FOXK1: variants seen among roughly 807,000 people sequenced by gnomAD.
The protein encoded by FOXK1 is forkhead box K1.
In FOXK1, 19 loss-of-function variants were observed where a neutral mutation model predicts 51.9. That is an observed-to-expected ratio of 0.37 (90% CI 0.26 to 0.54). The LOEUF (loss-of-function observed/expected upper bound fraction) is 0.54, where lower values mean the gene tolerates loss of function less well. Among genes scored for constraint, FOXK1 ranks in the 20% least tolerant of loss-of-function variants. The probability of loss-of-function intolerance (pLI) is 0.87; values close to 1 mark genes in which losing one functional copy is unlikely to be tolerated. For missense variants in FOXK1, 870 were observed against 1,032.7 expected (o/e 0.84, Z 2.16); for synonymous variants, 537 against 482.6 (o/e 1.11, Z -1.48).
At position 4,731,239 on chromosome 7, in the gene FOXK1, A is replaced by G. The variant is rs1011245704; in HGVS notation, c.561-9599A>G. Among the ~76,000 whole-genome samples, 4 of 152,150 alleles carry G rather than the reference A, an allele frequency of 2.6e-5. No individual in the cohort carries two copies. In the East Asian group the frequency reaches 7.7e-4, roughly 29 times the overall value. Reference sequence around the variant, plus strand: ...TCTGCTGTTCCCCGGCCTTCCCTTGAGACTCTTGGGGGCCTGGGCCCTGCG... The same window carrying G: ...TCTGCTGTTCCCCGGCCTTCCCTTGGGACTCTTGGGGGCCTGGGCCCTGCG... On this transcript the variant is annotated intron_variant, in intron 1 of 8. Transcript: ENST00000328914. This position sits in a 1 kb window ranked among gnomAD's most constrained non-coding sequence, Gnocchi z 5.3.
intron 1 of FOXK1, among the ~76,000 whole-genome samples, chr7:4,705,554 T>TCTCTCTCTCTCTCTCTCTCTCG (rs895937029): frequency 1.5e-5 from 2 of 131,508 alleles, no homozygotes; most frequent in African/African-American, 6.3e-5. Flanking sequence ...TCTCTCTCTC[T>TCTCTCTCTCTCTCTCTCTCTCG]CTCTCGCTCT....
At chr7:4,684,694 C>T (rs890520906) in intron 1 of FOXK1, among the ~76,000 whole-genome samples, 2 of 152,176 alleles carry the variant, frequency 1.3e-5, no homozygotes, top group African/African-American at 2.4e-5. Flanking sequence ...GCTTTACAGA[C>T]GCACCTTTAT....
chr7:4,713,664 G>T (rs763241470), intron 1 of FOXK1, among the ~76,000 whole-genome samples: 1 of 149,790 alleles, frequency 6.7e-6, no homozygotes, highest in Non-Finnish European at 1.5e-5. Flanking sequence ...GCTAATTTTT[G>T]TAATGTTAGT....
intron 1 of FOXK1, among the ~76,000 whole-genome samples, chr7:4,699,948 T>C (rs780709934): frequency 6.6e-6 from 1 of 152,222 alleles, no homozygotes; most frequent in Non-Finnish European, 1.5e-5. Context: ...TTGAATCGGC[T>C]AGGACCTCCA....
In FOXK1 at chr7:4,749,370, G is replaced by T. The variant is rs1375012827; in HGVS notation, c.747-5089G>T. The stretch of plus-strand genomic sequence containing the variant: ...CAGATGTGCCTTGGCCGGCTGTTGT[G>T]TTTAACAGTGAGGTCCTAAAAACCC... On this transcript the variant is annotated intron_variant, in intron 2 of 8. Transcript: ENST00000328914. The surrounding 1 kb of genome is among the most constrained non-coding windows in gnomAD (Gnocchi z 6.0). Among the ~76,000 whole-genome samples the T allele has an allele frequency of 6.6e-6, 1 of 152,194 alleles. No homozygotes were observed. Among genetic ancestry groups the T allele is most frequent in the African/African-American group, 2.4e-5 (1 of 41,452 alleles).
chr7:4,723,102 TAA>T lies in FOXK1; in HGVS notation c.561-17735_561-17734del, dbSNP rs1376420298. On this transcript the variant is annotated intron_variant, in intron 1 of 8. Coordinates refer to ENST00000328914, the MANE Select transcript of FOXK1 (RefSeq NM_001037165.2). The surrounding 1 kb of genome is among the most constrained non-coding windows in gnomAD (Gnocchi z 4.7). ...TTCCCAAGCCTGTTGACGATGATGG[TAA>T]CGGCACCGTGCTCACTCCAACGCCG... 6.6e-6 allele frequency among the ~76,000 whole-genome samples: 1 copy of T among 151,892 alleles called. No homozygotes were observed. Among genetic ancestry groups the T allele is most frequent in the Non-Finnish European group, 1.5e-5 (1 of 68,002 alleles).
At chr7:4,746,877 C>T (rs1780709433) in intron 2 of FOXK1, among the ~76,000 whole-genome samples, 1 of 152,226 alleles carries the variant, frequency 6.6e-6, no homozygotes, top group Non-Finnish European at 1.5e-5. Flanking sequence ...CTGCCTGTCC[C>T]TGTCCCTGTA....
intron 1 of FOXK1, among the ~76,000 whole-genome samples, chr7:4,684,738 T>G (rs1779797471): frequency 6.6e-6 from 1 of 152,110 alleles, no homozygotes; most frequent in South Asian, 2.1e-4. Context: ...TCCATTAAAG[T>G]CTTGTTTTCA....
At chr7:4,695,563 G>A (rs1287671766) in intron 1 of FOXK1, among the ~76,000 whole-genome samples, 10 of 152,192 alleles carry the variant, frequency 6.6e-5, no homozygotes, top group African/African-American at 4.8e-5. Context: ...ACAGCACTTT[G>A]GGAGGCCAGG....
intron 1 of FOXK1, among the ~76,000 whole-genome samples, chr7:4,701,253 C>T (rs561973503): frequency 2.0e-5 from 3 of 152,126 alleles, no homozygotes; most frequent in East Asian, 1.9e-4. Flanking sequence ...GCTCAAAGGA[C>T]GGGGGGCTAG....
At chr7:4,717,488 G>A (rs1780251445) in intron 1 of FOXK1, among the ~76,000 whole-genome samples, 1 of 137,602 alleles carries the variant, frequency 7.3e-6, no homozygotes, top group Non-Finnish European at 1.5e-5. Flanking sequence ...GAGGCATGTG[G>A]CTGGGAGGCG....
chr7:4,706,783 A>G (rs1780107595), intron 1 of FOXK1, among the ~76,000 whole-genome samples: 1 of 152,210 alleles, frequency 6.6e-6, no homozygotes, highest in Non-Finnish European at 1.5e-5. Context: ...CTTTGTCAGT[A>G]TCAGCCAGGT....
chr7:4,728,618 T>C (rs1162484591), intron 1 of FOXK1, among the ~76,000 whole-genome samples: 1 of 148,466 alleles, frequency 6.7e-6, no homozygotes, highest in East Asian at 2.0e-4. Flanking sequence ...CAGCTAGGCG[T>C]GGTGGTGCAA....
chr7:4,716,774 G>T (rs892719413), intron 1 of FOXK1, among the ~76,000 whole-genome samples: 1 of 152,172 alleles, frequency 6.6e-6, no homozygotes, highest in Non-Finnish European at 1.5e-5. Context: ...TACTGGTTTG[G>T]AGCTGGCTTA....
Position 4,761,255 on chromosome 7 carries a change from G to C in FOXK1, c.1888G>C (p.Val630Leu), listed in dbSNP as rs1780928866. 6.2e-7 allele frequency: 1 copy of C among 1,613,044 alleles called. No individual in the cohort carries two copies. The highest frequency in any genetic ancestry group is 8.5e-7 in the Non-Finnish European group (1 of 1,180,032). ...RAVTQNGKHA[V>L]PTNSLAGNAY... ...CGTGACCCAGAACGGAAAGCATGCG[G>C]TTCCCACGAACAGTTTAGCCGGCAA... Residue 630 changes from valine to leucine, a missense_variant, in exon 8 of 9, where the codon GTT becomes CTT. Coordinates refer to ENST00000328914, the MANE Select transcript of FOXK1 (RefSeq NM_001037165.2). This position sits in a 1 kb window ranked among gnomAD's most constrained non-coding sequence, Gnocchi z 6.2.
rs1035994335 is a variant in FOXK1 at position 4,745,379 on chromosome 7, C to T, written c.746+4356C>T. Among the ~76,000 whole-genome samples the T allele has an allele frequency of 1.9e-4, 29 of 152,020 alleles. No homozygotes were observed. Among genetic ancestry groups the T allele is most frequent in the African/African-American group, 7.0e-4 (29 of 41,370 alleles). ...CCCTGATCAGCTGCCCCTGCCCCCG[C>T]CCCCCGCGCCACCCTGCGTCCTTCC... On this transcript the variant is annotated intron_variant, in intron 2 of 8. Coordinates refer to ENST00000328914, the MANE Select transcript of FOXK1 (RefSeq NM_001037165.2). The surrounding 1 kb of genome is among the most constrained non-coding windows in gnomAD (Gnocchi z 4.3).
At position 4,767,336 on chromosome 7, in the gene FOXK1, T is replaced by C. The variant is rs1234522166; in HGVS notation, c.*4872T>C. 3.3e-5 allele frequency: 5 copies of C among 152,302 alleles called. No homozygotes were observed. The highest frequency in any genetic ancestry group is 7.3e-5 in the Non-Finnish European group (5 of 68,078). 9.4% of individuals were successfully genotyped at this position (152,302 alleles called of 1,614,324 possible). A position where few individuals can be genotyped will look rare whatever the true frequency, so the allele number is the denominator to read the frequency against. On this transcript the variant is annotated 3_prime_UTR_variant, in exon 9 of 9. Transcript: ENST00000328914. This position sits in a 1 kb window ranked among gnomAD's most constrained non-coding sequence, Gnocchi z 6.6. ...TTGCAAACGCAGAGCCCCAGAACGC[T>C]GGATGGAGGCCTCCTCGGCCCTGCG... is the stretch of plus-strand genomic sequence containing the variant.
intron 1 of FOXK1, among the ~76,000 whole-genome samples, chr7:4,714,272 T>C (rs1472154886): frequency 6.6e-6 from 1 of 152,168 alleles, no homozygotes; most frequent in Non-Finnish European, 1.5e-5. Flanking sequence ...TGACCCTATT[T>C]TCACTGTGTG....
chr7:4,720,219 C>G (rs1473274063), intron 1 of FOXK1, among the ~76,000 whole-genome samples: 1 of 152,196 alleles, frequency 6.6e-6, no homozygotes, highest in Admixed American at 6.5e-5. Context: ...CATCTTCAGT[C>G]TGTAGGTTTA....
Sources: gnomAD v4.1 joint callset for allele counts (sites outside exome capture counted in the v4.1 genomes callset) on GRCh38, gnomAD v4.1.1 for gene constraint, Gnocchi (gnomAD v3.1) non-coding constraint, MANE v1.5 for transcripts, NCBI Gene and HGNC (gene_info 2026-07-23, HGNC 2026-07-21) for gene names.